Variants in ERBB4 observed in about 807,000 individuals in gnomAD.
ERBB4 encodes the protein receptor tyrosine-protein kinase erbB-4.
In ERBB4, 42 loss-of-function variants were observed where a neutral mutation model predicts 158.0. That is an observed-to-expected ratio of 0.27 (90% CI 0.21 to 0.34). ERBB4 has a LOEUF of 0.34. Among genes scored for constraint, ERBB4 ranks in the 10% least tolerant of loss-of-function variants. The probability of loss-of-function intolerance (pLI) is 1.00; values close to 1 mark genes in which losing one functional copy is unlikely to be tolerated. For missense variants in ERBB4, 1,333 were observed against 1,624.1 expected, an observed-to-expected ratio of 0.82 and a Z score of 3.08; for synonymous variants, 583 against 558.7, an observed-to-expected ratio of 1.04 and a Z score of -0.61.
chr2:211,965,120 A>G (rs574010820), intron 2 of ERBB4, among the ~76,000 whole-genome samples: 3 of 152,204 alleles, frequency 2.0e-5, no homozygotes, highest in Admixed American at 1.3e-4. Context: ...AATACCATGA[A>G]ATAATGTGTT....
chr2:211,679,163 T>C lies in ERBB4; in HGVS notation c.1511A>G (p.Asn504Ser), dbSNP rs2072233597. ...ENCTAEGMVC[N>S]HLCSSDGCWG... ...ACAGCCATCACTGGAACACAGATGG[T>C]TGCACACCATTCCTTCAGCAGCTGT... The change falls in exon 13 of 28, where the codon AAC becomes AGC. Residue 504 changes from asparagine to serine, a missense_variant. Coordinates refer to ENST00000342788, the MANE Select transcript of ERBB4 (RefSeq NM_005235.3). 1.9e-6 allele frequency: 3 copies of C among 1,613,648 alleles called. No individual in the cohort carries two copies. Among genetic ancestry groups the C allele is most frequent in the African/African-American group, 1.3e-5 (1 of 74,844 alleles).
intron 1 of ERBB4, among the ~76,000 whole-genome samples, chr2:212,393,050 T>C (rs1046869707): frequency 2.0e-5 from 3 of 151,998 alleles, no homozygotes; most frequent in Non-Finnish European, 2.9e-5. Context: ...CCTGGGCAAA[T>C]TGGCATGGCT....
intron 1 of ERBB4, among the ~76,000 whole-genome samples, chr2:212,144,197 A>G (rs1453054831): frequency 1.3e-5 from 2 of 152,084 alleles, no homozygotes; most frequent in African/African-American, 4.8e-5. Flanking sequence ...TTGAACGTGA[A>G]TTCTCAAATG....
At chr2:212,249,997 A>G (rs1194993703) in intron 1 of ERBB4, among the ~76,000 whole-genome samples, 4 of 152,042 alleles carry the variant, frequency 2.6e-5, no homozygotes, top group Non-Finnish European at 5.9e-5. Flanking sequence ...GATACCGTGT[A>G]TATGTATTGC....
intron 2 of ERBB4, among the ~76,000 whole-genome samples, chr2:211,964,737 T>G (rs1449940717): frequency 2.0e-5 from 3 of 152,162 alleles, no homozygotes; most frequent in African/African-American, 7.2e-5. Context: ...AGTGTTAGTG[T>G]ACAAAAAGAT....
At chr2:211,496,495 TTC>T (rs1553548428) in intron 20 of ERBB4, among the ~76,000 whole-genome samples, 5 of 151,680 alleles carry the variant, frequency 3.3e-5, no homozygotes, top group Non-Finnish European at 7.4e-5. Flanking sequence ...TACTTGAAAA[TTC>T]TCTTTCTCTA....
At chr2:212,204,205 A>G (rs1331467944) in intron 1 of ERBB4, among the ~76,000 whole-genome samples, 1 of 152,174 alleles carries the variant, frequency 6.6e-6, no homozygotes, top group African/African-American at 2.4e-5. Flanking sequence ...TAATGATTCT[A>G]TTATCGCTAG....
intron 1 of ERBB4, among the ~76,000 whole-genome samples, chr2:212,518,245 G>A (rs564587977): frequency 1.3e-5 from 2 of 152,104 alleles, no homozygotes; most frequent in South Asian, 4.1e-4. Flanking sequence ...AAGGGACATA[G>A]TTTGTACATA....
intron 1 of ERBB4, among the ~76,000 whole-genome samples, chr2:212,479,419 T>C (rs1689572271): frequency 6.6e-6 from 1 of 152,164 alleles, no homozygotes; most frequent in Admixed American, 6.6e-5. Context: ...TAGTACCTTG[T>C]ACCCCCAAGA....
At chr2:211,609,865 T>G (rs1182322591) in intron 19 of ERBB4, among the ~76,000 whole-genome samples, 1 of 152,208 alleles carries the variant, frequency 6.6e-6, no homozygotes, top group Admixed American at 6.5e-5. Flanking sequence ...ACAGACCTAT[T>G]GTCCATTTCT....
At chr2:212,191,364 T>C (rs937693124) in intron 1 of ERBB4, among the ~76,000 whole-genome samples, 1 of 152,104 alleles carries the variant, frequency 6.6e-6, no homozygotes, top group Non-Finnish European at 1.5e-5. Flanking sequence ...AAATGAGTTT[T>C]AATGTTACTT....
At chr2:212,405,698 A>C (rs1369818696) in intron 1 of ERBB4, among the ~76,000 whole-genome samples, 1 of 152,106 alleles carries the variant, frequency 6.6e-6, no homozygotes, top group African/African-American at 2.4e-5. Context: ...AGATCTTCAA[A>C]GTTACGAACA....
At chr2:211,949,643 C>A (rs1340221529) in intron 2 of ERBB4, among the ~76,000 whole-genome samples, 1 of 152,102 alleles carries the variant, frequency 6.6e-6, no homozygotes, top group Non-Finnish European at 1.5e-5. Context: ...GTCATCAGTT[C>A]TCTTTCACAT....
chr2:211,419,538 T>G (rs1237514295), intron 25 of ERBB4, among the ~76,000 whole-genome samples: 2 of 152,084 alleles, frequency 1.3e-5, no homozygotes, highest in Non-Finnish European at 1.5e-5. Flanking sequence ...CATGTTTATA[T>G]CTTATCAATG....
intron 1 of ERBB4, among the ~76,000 whole-genome samples, chr2:212,134,192 G>GT (rs34718063): frequency 0.17 from 26,343 of 151,090 alleles, 2,962 homozygotes; most frequent in African/African-American, 0.32. Flanking sequence ...GTTTTGAGAA[G>GT]TTTTTTTTTA....
chr2:212,055,543 G>A (rs1259047775), intron 2 of ERBB4, among the ~76,000 whole-genome samples: 1 of 152,224 alleles, frequency 6.6e-6, no homozygotes, highest in Non-Finnish European at 1.5e-5. Context: ...GGGGCAGACT[G>A]ACACCTCACA....
Position 212,362,300 on chromosome 2 carries a change from G to A in ERBB4, c.82+176149C>T, listed in dbSNP as rs139784792. Among the ~76,000 whole-genome samples, 260 of 151,408 alleles carry A rather than the reference G, an allele frequency of 1.7e-3. 2 individuals carry two copies. The highest frequency in any genetic ancestry group is 5.9e-3 in the African/African-American group (245 of 41,450). On this transcript the variant is annotated intron_variant, in intron 1 of 27. Coordinates refer to ENST00000342788, the MANE Select transcript of ERBB4 (RefSeq NM_005235.3). ...TGGAGAAATAAATTTAAAAAGGAAT[G>A]GCCAAATTAGCGGCTAATTTTAAAG...
chr2:212,221,299 T>A (rs2083283228), intron 1 of ERBB4, among the ~76,000 whole-genome samples: 1 of 151,616 alleles, frequency 6.6e-6, no homozygotes, highest in Non-Finnish European at 1.5e-5. Flanking sequence ...AATGAATATG[T>A]AACTTTCATC....
rs573834294 is a variant in ERBB4, at chr2:211,449,375, CTATT to C, written c.2488-18279_2488-18276del. Among the ~76,000 whole-genome samples, 648 of 152,226 alleles carry C rather than the reference CTATT, an allele frequency of 4.3e-3. 4 individuals are homozygous for C. The highest frequency in any genetic ancestry group is 0.014 in the Middle Eastern group (4 of 290). On this transcript the variant is annotated intron_variant, in intron 20 of 27. Transcript: ENST00000342788. Reference sequence around the variant, plus strand: ...TGAAAAGTTCAGCTACTATTTTTATCTATTAACATTTGCAGTTAAGGCATAGGGT... The same window carrying C: ...TGAAAAGTTCAGCTACTATTTTTATCAACATTTGCAGTTAAGGCATAGGGT...
Sources: allele counts gnomAD v4.1 joint callset (sites outside exome capture counted in the v4.1 genomes callset), GRCh38; gene constraint gnomAD v4.1.1; transcripts MANE v1.5; gene names NCBI Gene and HGNC (gene_info 2026-07-23, HGNC 2026-07-21).